Variants in FSTL4 observed in about 807,000 individuals in gnomAD.
FSTL4 encodes the protein follistatin-related protein 4.
Under a neutral mutation model 78.2 loss-of-function variants are expected in FSTL4, and 28 were observed. The ratio of observed to expected loss-of-function variants is 0.36; its 90% CI spans 0.27 to 0.49. The LOEUF (loss-of-function observed/expected upper bound fraction) is 0.49, where lower values mean the gene tolerates loss of function less well. FSTL4 is among the 20% of genes least tolerant of loss of function. The pLI, the probability that FSTL4 is intolerant of heterozygous loss-of-function variation, is 0.98. For synonymous variants in FSTL4, 422 were observed against 440.5 expected (o/e 0.96, Z 0.53); for missense variants, 922 against 1,084.9 (o/e 0.85, Z 2.11).
At chr5:133,728,541 G>A in the FSTL4 span, among the ~76,000 whole-genome samples, 1 of 152,204 alleles carries the variant, frequency 6.6e-6, no homozygotes, top group Non-Finnish European at 1.5e-5. Flanking sequence ...CCAAATCAAG[G>A]GATAGGACTA....
chr5:133,328,959 A>G (rs1330121638), intron 4 of FSTL4, among the ~76,000 whole-genome samples: 5 of 152,198 alleles, frequency 3.3e-5, no homozygotes, highest in Non-Finnish European at 7.3e-5. Context: ...ATGTCCAGAA[A>G]TGTAGCTGCT....
In FSTL4 at chr5:133,462,141, AC is replaced by A. The variant is rs768500854; in HGVS notation, c.161-61156del. ...GAGAAAGGTAGACACAGATCTCAAG[AC>A]CACGTCCTCACTGAGGCAAGAGAGC... On this transcript the variant is annotated intron_variant, in intron 3 of 15. Coordinates refer to ENST00000265342, the MANE Select transcript of FSTL4 (RefSeq NM_015082.2). Among the ~76,000 whole-genome samples the A allele has an allele frequency of 4.3e-4, 66 of 152,200 alleles. 1 individual carries two copies. The highest frequency in any genetic ancestry group is 9.0e-4 in the Non-Finnish European group (61 of 68,042).
At chr5:133,721,562 T>C in the FSTL4 span, among the ~76,000 whole-genome samples, 32 of 152,346 alleles carry the variant, frequency 2.1e-4, no homozygotes, top group African/African-American at 5.5e-4. Flanking sequence ...TATTCTTGAC[T>C]GACAGTCTTT....
chr5:133,670,077 T>C, the FSTL4 span, among the ~76,000 whole-genome samples: 3 of 152,146 alleles, frequency 2.0e-5, no homozygotes. Flanking sequence ...AGGACCCATG[T>C]CCTTCCCTCC....
intron 6 of FSTL4, among the ~76,000 whole-genome samples, chr5:133,289,826 C>T (rs903055365): frequency 6.6e-6 from 1 of 152,254 alleles, no homozygotes. Flanking sequence ...TTTCATCTGG[C>T]TCAGCCAGGC....
chr5:133,754,465 T>C, the FSTL4 span, among the ~76,000 whole-genome samples: 3 of 152,330 alleles, frequency 2.0e-5, no homozygotes, highest in East Asian at 5.8e-4. Flanking sequence ...AAATTCACAA[T>C]GGCAGAAGTT....
rs533432074 is a variant in FSTL4, at chr5:133,432,158, T to TA, written c.161-31173dup. Among the ~76,000 whole-genome samples, 33 of 152,064 alleles carry TA rather than the reference T, an allele frequency of 2.2e-4. No individual in the cohort carries two copies. The East Asian group carries it at 4.8e-3, about 22-fold the overall frequency. On this transcript the variant is annotated intron_variant, in intron 3 of 15. Coordinates refer to ENST00000265342, the MANE Select transcript of FSTL4 (RefSeq NM_015082.2). Reference sequence around the variant, plus strand: ...AGGGCAAGACTGGTTTCATTATCTTTAAAAAAAATAGATTAGAAAACAGAG... The same window carrying TA: ...AGGGCAAGACTGGTTTCATTATCTTTAAAAAAAAATAGATTAGAAAACAGAG...
At chr5:133,598,754 T>C (rs916759424) in intron 2 of FSTL4, among the ~76,000 whole-genome samples, 2 of 152,170 alleles carry the variant, frequency 1.3e-5, no homozygotes, top group Non-Finnish European at 2.9e-5. Context: ...TTCTCGCCTC[T>C]TGCTGAGAGA....
chr5:133,785,306 C>T, the FSTL4 span, among the ~76,000 whole-genome samples: 1 of 152,154 alleles, frequency 6.6e-6, no homozygotes, highest in Non-Finnish European at 1.5e-5. Context: ...GAAACATGCC[C>T]TAATTCAAAA....
At chr5:133,685,514 T>A in the FSTL4 span, among the ~76,000 whole-genome samples, 1 of 152,234 alleles carries the variant, frequency 6.6e-6, no homozygotes, top group South Asian at 2.1e-4. Flanking sequence ...ACAAGAGATA[T>A]GTGTGTGCTT....
chr5:133,665,017 G>C, the FSTL4 span, among the ~76,000 whole-genome samples: 1 of 152,154 alleles, frequency 6.6e-6, no homozygotes, highest in Non-Finnish European at 1.5e-5. Flanking sequence ...ACTCCAACAC[G>C]CATTTGGTGG....
At chr5:133,806,459 A>G in the FSTL4 span, among the ~76,000 whole-genome samples, 33 of 152,366 alleles carry the variant, frequency 2.2e-4, no homozygotes, top group Non-Finnish European at 4.3e-4. Context: ...GCAGAGATGC[A>G]TGTCAGTAAA....
chr5:133,428,409 G>A (rs1200665174), intron 3 of FSTL4, among the ~76,000 whole-genome samples: 1 of 152,182 alleles, frequency 6.6e-6, no homozygotes, highest in South Asian at 2.1e-4. Context: ...CATGGGTAGG[G>A]GCTGCCCAGG....
chr5:133,272,412 G>C (rs145678444), intron 6 of FSTL4, among the ~76,000 whole-genome samples: 40 of 152,350 alleles, frequency 2.6e-4, no homozygotes, highest in Non-Finnish European at 5.4e-4. Context: ...TGGAGGGAGA[G>C]AGGAGGCACG....
intron 4 of FSTL4, among the ~76,000 whole-genome samples, chr5:133,380,770 A>G (rs1246319185): frequency 6.6e-6 from 1 of 150,772 alleles, no homozygotes; most frequent in Non-Finnish European, 1.5e-5. Flanking sequence ...AAAATCCTCA[A>G]CAAAATACTA....
chr5:133,539,949 G>GTT (rs10623473), intron 3 of FSTL4, among the ~76,000 whole-genome samples: 60,268 of 147,058 alleles, frequency 0.41, 12,501 homozygotes, highest in African/African-American at 0.49. Context: ...TTCTGTGAAG[G>GTT]TTTTTTTTTT....
chr5:133,671,117 C>T, the FSTL4 span, among the ~76,000 whole-genome samples: 8 of 152,236 alleles, frequency 5.3e-5, no homozygotes, highest in South Asian at 6.2e-4. Context: ...TGCTAAGGGG[C>T]GAGACCTTGT....
At chr5:133,539,354 A>G (rs116312161) in intron 3 of FSTL4, among the ~76,000 whole-genome samples, 10 of 152,056 alleles carry the variant, frequency 6.6e-5, no homozygotes, top group Non-Finnish European at 1.3e-4. Flanking sequence ...CAGGATCGAA[A>G]TCAGGTTATC....
chr5:133,330,856 G>GA (rs1754328948), intron 4 of FSTL4, among the ~76,000 whole-genome samples: 1 of 152,204 alleles, frequency 6.6e-6, no homozygotes, highest in South Asian at 2.1e-4. Context: ...CAGGTACTGT[G>GA]ATTTTTAAAG....
Sources: allele counts gnomAD v4.1 joint callset (sites outside exome capture counted in the v4.1 genomes callset), GRCh38; gene constraint gnomAD v4.1.1; transcripts MANE v1.5; gene names NCBI Gene and HGNC (gene_info 2026-07-23, HGNC 2026-07-21).